TCF12: variants seen among roughly 807,000 people sequenced by gnomAD.
TCF12 encodes the protein transcription factor 12.
TCF12 carries 45 observed loss-of-function variants against 86.0 expected under a neutral mutation model. That is an observed-to-expected ratio of 0.52 (90% confidence interval 0.41 to 0.67). The LOEUF (loss-of-function observed/expected upper bound fraction) is 0.67, where lower values mean the gene tolerates loss of function less well. Ranked by LOEUF, TCF12 falls within the 30% of genes least tolerant of loss-of-function variation. The pLI is 0.00. For synonymous variants in TCF12, 330 were observed against 299.6 expected (o/e 1.10, Z -1.05); for missense variants, 881 against 859.9 (o/e 1.02, Z -0.31).
At chr15:57,222,461 G>C (rs1185487241) in intron 8 of TCF12, among the ~76,000 whole-genome samples, 2 of 151,610 alleles carry the variant, frequency 1.3e-5, no homozygotes, top group Admixed American at 6.6e-5. Context: ...AAAGAGAAGG[G>C]GTTAATGTTT....
chr15:57,244,469 G>A (rs2059768752), intron 13 of TCF12, among the ~76,000 whole-genome samples: 1 of 151,762 alleles, frequency 6.6e-6, no homozygotes, highest in South Asian at 2.1e-4. Flanking sequence ...ATTTGTTTTT[G>A]TTTTGTTTGA....
At chr15:57,249,432 C>G (rs1238969520) in intron 13 of TCF12, among the ~76,000 whole-genome samples, 1 of 150,914 alleles carries the variant, frequency 6.6e-6, no homozygotes, top group Non-Finnish European at 1.5e-5. Flanking sequence ...AAAAAATTAA[C>G]TGAAGTGCAT....
intron 16 of TCF12, among the ~76,000 whole-genome samples, chr15:57,256,543 T>TCCCCCCCCCC (rs1566997445): frequency 8.0e-5 from 11 of 138,160 alleles, no homozygotes; most frequent in African/African-American, 1.6e-4. Flanking sequence ...TGGAATCGAT[T>TCCCCCCCCCC]CCCCACCCCC....
intron 18 of TCF12, among the ~76,000 whole-genome samples, chr15:57,269,874 A>C (rs2152086035): frequency 6.6e-6 from 1 of 152,216 alleles, no homozygotes; most frequent in East Asian, 1.9e-4. Context: ...AAGAATGTTG[A>C]AATATTGGCC....
intron 7 of TCF12, among the ~76,000 whole-genome samples, chr15:57,193,878 C>G (rs1404186573): frequency 6.6e-6 from 1 of 151,642 alleles, no homozygotes; most frequent in African/African-American, 2.4e-5. Flanking sequence ...TTAAGTCAGC[C>G]CAGGTGATTT....
Position 56,921,238 on chromosome 15 carries a change from A to G in TCF12, c.148+140A>G, listed in dbSNP as rs529461045. On this transcript the variant is annotated intron_variant, in intron 3 of 20. Coordinates refer to ENST00000333725, the MANE Select transcript of TCF12 (RefSeq NM_207037.2). ...ATTGAGTCAAGTGATAATTAGTAAGATTTATTAATTTTAAAAGATGACAGT... is the reference window on the plus strand; with the variant it reads ...ATTGAGTCAAGTGATAATTAGTAAGGTTTATTAATTTTAAAAGATGACAGT... 8 of 484,674 alleles carry G rather than the reference A, an allele frequency of 1.7e-5. No individual in the cohort carries two copies. In the South Asian group the frequency reaches 7.7e-4, roughly 47 times the overall value. 30.0% of individuals were successfully genotyped at this position (484,674 alleles called of 1,614,324 possible).
At chr15:57,014,468 A>C (rs1453582527) in intron 3 of TCF12, among the ~76,000 whole-genome samples, 1 of 152,078 alleles carries the variant, frequency 6.6e-6, no homozygotes, top group Non-Finnish European at 1.5e-5. Flanking sequence ...CCTGGTCCTT[A>C]GTAAGCAGTT....
In TCF12 at chr15:57,280,937, T is replaced by C. The variant is rs61996958; in HGVS notation, c.1979-1508T>C. Among the ~76,000 whole-genome samples, 298 of 152,342 alleles carry C rather than the reference T, an allele frequency of 2.0e-3. 1 individual carries two copies. Among genetic ancestry groups the C allele is most frequent in the Non-Finnish European group, 3.4e-3 (234 of 68,034 alleles). ...AACTGTTAACCTATACTATATGTTATAATCAAATGAAAAGCTATATCAGAA... is the reference window on the plus strand; with the variant it reads ...AACTGTTAACCTATACTATATGTTACAATCAAATGAAAAGCTATATCAGAA... On this transcript the variant is annotated intron_variant, in intron 19 of 20. Coordinates refer to ENST00000333725, the MANE Select transcript of TCF12 (RefSeq NM_207037.2).
intron 3 of TCF12, among the ~76,000 whole-genome samples, chr15:57,055,071 A>G (rs1234454391): frequency 3.3e-5 from 5 of 152,068 alleles, no homozygotes; most frequent in African/African-American, 1.2e-4. Context: ...ATATGATACT[A>G]TTCCCTAGGA....
intron 5 of TCF12, among the ~76,000 whole-genome samples, chr15:57,096,485 T>C (rs2049330696): frequency 6.6e-6 from 1 of 152,144 alleles, no homozygotes; most frequent in Non-Finnish European, 1.5e-5. Flanking sequence ...TTAGTATCTG[T>C]GAGGGATTGG....
At chr15:57,139,344 C>G (rs2052787248) in intron 5 of TCF12, among the ~76,000 whole-genome samples, 1 of 152,236 alleles carries the variant, frequency 6.6e-6, no homozygotes, top group South Asian at 2.1e-4. Flanking sequence ...AAGCAAAGAC[C>G]TAATGTTCTA....
intron 8 of TCF12, among the ~76,000 whole-genome samples, chr15:57,201,979 T>C (rs2057564091): frequency 6.6e-6 from 1 of 152,220 alleles, no homozygotes; most frequent in East Asian, 1.9e-4. Flanking sequence ...ATTTGTAATA[T>C]ATTTGTTAGC....
intron 6 of TCF12, among the ~76,000 whole-genome samples, chr15:57,177,098 T>C (rs2055969670): frequency 6.6e-6 from 1 of 151,932 alleles, no homozygotes; most frequent in South Asian, 2.1e-4. Context: ...ATTGAGAAAA[T>C]GTTGTTTGAA....
chr15:57,018,250 G>T (rs569868770), intron 3 of TCF12, among the ~76,000 whole-genome samples: 9 of 152,276 alleles, frequency 5.9e-5, no homozygotes, highest in Non-Finnish European at 1.2e-4. Flanking sequence ...CTGATACAAA[G>T]TTGTTAGGAA....
chr15:56,966,774 C>A (rs909201084), intron 3 of TCF12, among the ~76,000 whole-genome samples: 3 of 152,142 alleles, frequency 2.0e-5, no homozygotes. Context: ...ACTGTAGTGT[C>A]AATAATTATA....
chr15:57,122,329 T>C (rs571576411), intron 5 of TCF12, among the ~76,000 whole-genome samples: 1 of 152,182 alleles, frequency 6.6e-6, no homozygotes, highest in Non-Finnish European at 1.5e-5. Context: ...ATCACTGGAC[T>C]TCATGTTTGT....
chr15:57,016,049 G>A lies in TCF12; in HGVS notation c.149-47701G>A, dbSNP rs1407876115. On this transcript the variant is annotated intron_variant, in intron 3 of 20. Coordinates refer to ENST00000333725, the MANE Select transcript of TCF12 (RefSeq NM_207037.2). ...AAAATCAGGCTAACCTAGATTACTT[G>A]GGGGAATTTCCTGGAGGGGCTGACT... 2.0e-5 allele frequency among the ~76,000 whole-genome samples: 3 copies of A among 152,164 alleles called. No individual in the cohort carries two copies. In the East Asian group the frequency reaches 5.8e-4, roughly 29 times the overall value.
At chr15:57,119,702 T>C (rs1391902073) in intron 5 of TCF12, among the ~76,000 whole-genome samples, 2 of 152,098 alleles carry the variant, frequency 1.3e-5, no homozygotes, top group African/African-American at 4.8e-5. Flanking sequence ...CTTAAAGGAA[T>C]GGGCAGTGGA....
intron 3 of TCF12, among the ~76,000 whole-genome samples, chr15:56,988,886 G>A (rs2063316781): frequency 6.6e-6 from 1 of 151,994 alleles, no homozygotes; most frequent in Non-Finnish European, 1.5e-5. Flanking sequence ...ATACCACAGT[G>A]TTACTGAAGC....
Sources: gnomAD v4.1 joint callset for allele counts (sites outside exome capture counted in the v4.1 genomes callset) on GRCh38, gnomAD v4.1.1 for gene constraint, MANE v1.5 for transcripts, NCBI Gene and HGNC (gene_info 2026-07-23, HGNC 2026-07-21) for gene names.